DHRS7: variants seen among roughly 807,000 people sequenced by gnomAD.
The protein encoded by DHRS7 is dehydrogenase/reductase 7.
Under a neutral mutation model 38.9 loss-of-function variants are expected in DHRS7, and 34 were observed. The observed-to-expected ratio is 0.87, with a 90% CI of 0.66 to 1.16. DHRS7 has a LOEUF of 1.16. Ranked by LOEUF, DHRS7 falls within the 50% of genes most tolerant of loss-of-function variation. The pLI, the probability that DHRS7 is intolerant of heterozygous loss-of-function variation, is 0.00. For missense variants in DHRS7, 421 were observed against 407.0 expected (o/e 1.03, Z -0.30); for synonymous variants, 158 against 153.1 (o/e 1.03, Z -0.24).
chr14:60,149,207 A>G, intron 6 of DHRS7, 146 bp downstream of exon 6: 1 of 712,146 alleles, frequency 1.4e-6, no homozygotes, highest in South Asian at 1.7e-5. Flanking sequence ...TCCTGGCCTC[A>G]AGTGATCTGC....
intron 1 of DHRS7, among the ~76,000 whole-genome samples, chr14:60,163,025 C>A (rs1383220275): frequency 6.6e-6 from 1 of 151,956 alleles, no homozygotes; most frequent in East Asian, 1.9e-4. Context: ...CAAAACTTAC[C>A]CATGCGTGGT....
upstream of DHRS7, among the ~76,000 whole-genome samples, chr14:60,167,405 T>G (rs1595205719): frequency 1.3e-5 from 2 of 152,282 alleles, no homozygotes; most frequent in African/African-American, 4.8e-5. Context: ...AAGTCTTTTC[T>G]ATAACTGGTA....
Position 60,152,947 on chromosome 14 carries a change from C to T in DHRS7, c.625G>A (p.Ala209Thr). ...LSIGYCASKH[A>T]LRGFFNGLRT... The stretch of plus-strand genomic sequence containing the variant: ...AGTTTGAGCAGCCTTACCCGGAGAG[C>T]ATGCTTGCTAGCACAGTATCCAATG... Residue 209 changes from alanine to threonine, a missense_variant, in exon 4 of 7, where the codon GCT becomes ACT. By Grantham distance (58) the Ala-to-Thr change is moderately conservative. Transcript: ENST00000557185. 1 of 1,614,112 alleles carries T rather than the reference C, an allele frequency of 6.2e-7. No individual in the cohort carries two copies. Among genetic ancestry groups the T allele is most frequent in the Non-Finnish European group, 8.5e-7 (1 of 1,180,006 alleles).
chr14:60,164,295 A>G (rs1377558596), intron 1 of DHRS7, among the ~76,000 whole-genome samples: 1 of 132,644 alleles, frequency 7.5e-6, no homozygotes. Context: ...CTTTCGAGCT[A>G]CTATCTCTTC....
chr14:60,164,520 G>A (rs1243660340), intron 1 of DHRS7, among the ~76,000 whole-genome samples: 3 of 152,142 alleles, frequency 2.0e-5, no homozygotes, highest in Non-Finnish European at 4.4e-5. Context: ...GTAAAGCGCT[G>A]AGCCAACATA....
At chr14:60,156,244 A>G (rs938415985) in intron 1 of DHRS7, 92 bp from the exon 2 acceptor site, 8 of 1,130,156 alleles carry the variant, frequency 7.1e-6, no homozygotes, top group Admixed American at 3.2e-5. Context: ...GCCTTAAACA[A>G]TACCACTAAA....
In DHRS7 at chr14:60,150,196, CAAAAAAAA is replaced by C. The variant is rs56277430; in HGVS notation, c.634-17_634-10del. Reference sequence around the variant, plus strand: ...AGGCCATTAAAAAAACCCTAACAGACAAAAAAAAAAAAAAAGGAAAAAGGCAAATAAAT... The same window carrying C: ...AGGCCATTAAAAAAACCCTAACAGACAAAAAAAGGAAAAAGGCAAATAAAT... On this transcript the variant is annotated splice_polypyrimidine_tract_variant and intron_variant, in intron 4 of 6. Transcript: ENST00000557185. The C allele has an allele frequency of 4.2e-6, 5 of 1,187,720 alleles. No individual in the cohort carries two copies. In the East Asian group the frequency reaches 9.5e-5, roughly 23 times the overall value. The allele number at this position is 1,187,720 out of a possible 1,614,324, so 73.6% of individuals were successfully genotyped here. A position where few individuals can be genotyped will look rare whatever the true frequency, so the allele number is the denominator to read the frequency against.
chr14:60,148,129 T>A lies in DHRS7; in HGVS notation c.972+1224A>T, dbSNP rs1654555656. ...TGACCCAGTCTGATAACCTTTTATG[T>A]CTCTTAAGCATTTTGTTGTGTTTGT... On this transcript the variant is annotated intron_variant, in intron 6 of 6. Transcript: ENST00000557185. This position sits in a 1 kb window ranked among gnomAD's most constrained non-coding sequence, Gnocchi z 4.8. 1 of 152,248 alleles carries A rather than the reference T, an allele frequency of 6.6e-6. No homozygotes were observed. The highest frequency in any genetic ancestry group is 2.4e-5 in the African/African-American group (1 of 41,468). 9.4% of individuals were successfully genotyped at this position (152,248 alleles called of 1,614,324 possible). A position where few individuals can be genotyped will look rare whatever the true frequency, so the allele number is the denominator to read the frequency against.
chr14:60,166,989 G>T (rs759784067), upstream of DHRS7, among the ~76,000 whole-genome samples: 1 of 152,058 alleles, frequency 6.6e-6, no homozygotes, highest in Non-Finnish European at 1.5e-5. Flanking sequence ...GGGAGGGTTG[G>T]GGGGGACGTG....
upstream of DHRS7, chr14:60,166,083 G>T: frequency 2.9e-6 from 1 of 349,956 alleles, no homozygotes. Context: ...AACAGAGAAT[G>T]TAATGAAAAC....
Position 60,146,040 on chromosome 14 carries a change from A to G in DHRS7, c.973-1027T>C, listed in dbSNP as rs1896398126. 1 of 150,062 alleles carries G rather than the reference A, an allele frequency of 6.7e-6. No homozygotes were observed. Among genetic ancestry groups the G allele is most frequent in the Non-Finnish European group, 1.5e-5 (1 of 67,584 alleles). 9.3% of individuals were successfully genotyped at this position (150,062 alleles called of 1,614,324 possible). A position where few individuals can be genotyped will look rare whatever the true frequency, so the allele number is the denominator to read the frequency against. On this transcript the variant is annotated intron_variant, in intron 6 of 6. Transcript: ENST00000557185. The surrounding 1 kb of genome is among the most constrained non-coding windows in gnomAD (Gnocchi z 4.9). ...TTATATATATACATATATATAAAAT[A>G]TAAAATAGTGGGAGAGAGGAAGAGT... is the stretch of plus-strand genomic sequence containing the variant.
chr14:60,154,318 C>T (rs1433244082), intron 2 of DHRS7, among the ~76,000 whole-genome samples: 1 of 151,974 alleles, frequency 6.6e-6, no homozygotes. Context: ...TGATAGAAAT[C>T]AAGATTATAC....
In DHRS7 at chr14:60,149,513, C is replaced by T. The variant is rs768199302; in HGVS notation, c.812G>A (p.Arg271Gln). The change falls in exon 6 of 7, where the codon CGG becomes CAG. Residue 271 changes from arginine to glutamine, a missense_variant. Arg to Gln is a conservative substitution (Grantham distance 43, BLOSUM62 1). Coordinates refer to ENST00000557185, the MANE Select transcript of DHRS7 (RefSeq NM_016029.4). ...SHKMTTSRCV[R>Q]LMLISMANDL... ...ATTGGCCATGCTGATTAACATCAGC[C>T]GCACACAACGACTGGTTGTCATCTT... is the stretch of plus-strand genomic sequence containing the variant. 55 of 1,613,908 alleles carry T rather than the reference C, an allele frequency of 3.4e-5. No individual in the cohort carries two copies. The South Asian group carries it at 3.7e-4, about 11-fold the overall frequency.
upstream of DHRS7, chr14:60,168,620 C>T (rs1483056917): frequency 2.7e-6 from 4 of 1,456,738 alleles, no homozygotes; most frequent in Non-Finnish European, 3.7e-6. Context: ...TTAAAATATG[C>T]AAATATTTTC....
chr14:60,156,406 C>T (rs939706104), intron 1 of DHRS7, among the ~76,000 whole-genome samples: 1 of 151,794 alleles, frequency 6.6e-6, no homozygotes, highest in Non-Finnish European at 1.5e-5. Flanking sequence ...ATGACTTTTC[C>T]AGACTTTACT....
rs931441784 is a variant in DHRS7, at chr14:60,148,697, G to A, written c.972+656C>T. On this transcript the variant is annotated intron_variant, in intron 6 of 6. Transcript: ENST00000557185. This position sits in a 1 kb window ranked among gnomAD's most constrained non-coding sequence, Gnocchi z 4.8. ...GTCCTGGGGAGAAGTGGGAGGGAAG[G>A]CCAGGTACCATTCCAAGGAGGTGAC... Among the ~76,000 whole-genome samples the A allele has an allele frequency of 4.6e-5, 7 of 152,096 alleles. No individual in the cohort carries two copies. The East Asian group carries it at 1.4e-3, about 29-fold the overall frequency.
At chr14:60,152,636 A>C in intron 4 of DHRS7, 1 of 362,538 alleles carries the variant, frequency 2.8e-6, no homozygotes, top group East Asian at 5.3e-5. Flanking sequence ...GTAACATGTT[A>C]AATAGATGAT....
At chr14:60,169,140 A>AAC (rs1480431510), upstream of DHRS7, 1 of 140,442 alleles carries the variant, frequency 7.1e-6, no homozygotes, top group African/African-American at 3.2e-5. Context: ...AACCAAAAAA[A>AAC]AAAAAAAAAA....
intron 1 of DHRS7, among the ~76,000 whole-genome samples, chr14:60,158,025 G>A (rs757002260): frequency 6.6e-6 from 1 of 152,146 alleles, no homozygotes; most frequent in African/African-American, 2.4e-5. Context: ...TTGAGGCCAG[G>A]AGTTCGAGAC....
Sources: allele counts gnomAD v4.1 joint callset (sites outside exome capture counted in the v4.1 genomes callset), GRCh38; gene constraint gnomAD v4.1.1; non-coding constraint Gnocchi (gnomAD v3.1); transcripts MANE v1.5; gene names NCBI Gene and HGNC (gene_info 2026-07-23, HGNC 2026-07-21).